PAK5: variants seen among roughly 807,000 people sequenced by gnomAD.
PAK5 encodes the protein serine/threonine-protein kinase PAK 5.
In PAK5, 16 loss-of-function variants were observed where a neutral mutation model predicts 65.9. That is an observed-to-expected ratio of 0.24 (90% CI 0.16 to 0.37). The LOEUF (loss-of-function observed/expected upper bound fraction) is 0.37, where lower values mean the gene tolerates loss of function less well. PAK5 is among the 10% of genes least tolerant of loss of function. The pLI is 1.00. For missense variants in PAK5, 785 were observed against 903.9 expected (o/e 0.87, Z 1.69); for synonymous variants, 371 against 354.9 (o/e 1.05, Z -0.51).
intron 7 of PAK5, among the ~76,000 whole-genome samples, chr20:9,550,731 G>GGT (rs111410496): frequency 0.11 from 15,646 of 148,466 alleles, 1,227 homozygotes; most frequent in African/African-American, 0.22. Flanking sequence ...CCATAATTGT[G>GGT]GTGTGTGTGT....
At chr20:9,578,569 C>A (rs2045925995) in intron 4 of PAK5, among the ~76,000 whole-genome samples, 1 of 152,150 alleles carries the variant, frequency 6.6e-6, no homozygotes, top group African/African-American at 2.4e-5. Context: ...AAGCCACACG[C>A]ACACAAAATC....
chr20:9,786,975 AG>A, intron 1 of PAK5, among the ~76,000 whole-genome samples: 1 of 152,188 alleles, frequency 6.6e-6, no homozygotes, highest in East Asian at 1.9e-4. Context: ...GGTACTTGCA[AG>A]GGATAAATTT....
intron 2 of PAK5, among the ~76,000 whole-genome samples, chr20:9,682,389 G>A (rs992971538): frequency 1.5e-4 from 22 of 144,830 alleles, no homozygotes; most frequent in Middle Eastern, 3.4e-3. Context: ...AAACCTACTA[G>A]GGCAGCCAGA....
At chr20:9,548,703 C>G (rs1230245925) in intron 7 of PAK5, among the ~76,000 whole-genome samples, 6 of 152,130 alleles carry the variant, frequency 3.9e-5, no homozygotes, top group African/African-American at 1.2e-4. Flanking sequence ...AATAGTATAC[C>G]AGGTGACAGA....
chr20:9,748,257 C>A lies in PAK5; in HGVS notation c.-161-36822G>T, dbSNP rs6141025. ...AATCAATATCATGAAAATGGCCATA[C>A]TGCCCAAGGTAATTTATAGATTCAA... On this transcript the variant is annotated intron_variant, in intron 1 of 9. Transcript: ENST00000353224. Among the ~76,000 whole-genome samples the A allele has an allele frequency of 7.0e-4, 106 of 151,780 alleles. 4 individuals are homozygous for A. The East Asian group carries it at 0.019, about 27-fold the overall frequency.
rs143150249 is a variant in PAK5, at chr20:9,677,292, C to T, written c.-11-32953G>A. 6.1e-3 allele frequency among the ~76,000 whole-genome samples: 935 copies of T among 152,260 alleles called. 5 individuals carry two copies. Among genetic ancestry groups the T allele is most frequent in the African/African-American group, 0.02 (846 of 41,544 alleles). On this transcript the variant is annotated intron_variant, in intron 2 of 9. Transcript: ENST00000353224. ...AATAGGATGCATCACATTCAGACCC[C>T]GGCTTCTGCACTCCAGCCTCGGCAT...
intron 3 of PAK5, among the ~76,000 whole-genome samples, chr20:9,583,575 T>C (rs992228259): frequency 6.6e-6 from 1 of 152,240 alleles, no homozygotes; most frequent in Non-Finnish European, 1.5e-5. Context: ...GATTCTTTGG[T>C]CACATTCTGC....
intron 1 of PAK5, among the ~76,000 whole-genome samples, chr20:9,767,644 T>C (rs2048784004): frequency 6.6e-6 from 1 of 152,066 alleles, no homozygotes; most frequent in Admixed American, 6.6e-5. Flanking sequence ...TTCTGTAGAG[T>C]ACCTCTTGGA....
chr20:9,656,889 C>T (rs2047275663), intron 2 of PAK5, among the ~76,000 whole-genome samples: 1 of 152,176 alleles, frequency 6.6e-6, no homozygotes, highest in South Asian at 2.1e-4. Flanking sequence ...TCACAACTTT[C>T]TGTGAATTTG....
chr20:9,711,125 T>G (rs1289166908), intron 2 of PAK5, among the ~76,000 whole-genome samples, 161 bp downstream of exon 2: 1 of 152,224 alleles, frequency 6.6e-6, no homozygotes, highest in Non-Finnish European at 1.5e-5. Context: ...GGCCATAAGC[T>G]TGCCCTTTTA....
chr20:9,694,214 A>C (rs2047836870), intron 2 of PAK5, among the ~76,000 whole-genome samples: 2 of 152,072 alleles, frequency 1.3e-5, no homozygotes, highest in African/African-American at 4.8e-5. Flanking sequence ...TCTGAAGGTC[A>C]ATTGCAAACT....
intron 7 of PAK5, among the ~76,000 whole-genome samples, chr20:9,553,570 G>A (rs1404334906): frequency 2.0e-5 from 3 of 151,980 alleles, no homozygotes; most frequent in Non-Finnish European, 4.4e-5. Flanking sequence ...GTGTGTGTGT[G>A]TGTATATATA....
intron 1 of PAK5, among the ~76,000 whole-genome samples, chr20:9,813,724 A>C (rs971718735): frequency 6.6e-6 from 1 of 152,168 alleles, no homozygotes; most frequent in African/African-American, 2.4e-5. Flanking sequence ...TGAATGAAAG[A>C]AGCCAGGCAC....
intron 2 of PAK5, among the ~76,000 whole-genome samples, chr20:9,670,106 C>A (rs903692968): frequency 1.3e-5 from 2 of 152,060 alleles, no homozygotes; most frequent in Non-Finnish European, 2.9e-5. Context: ...TGAACTCATC[C>A]TTTTTTATGG....
intron 1 of PAK5, among the ~76,000 whole-genome samples, chr20:9,824,938 G>A (rs996750162): frequency 3.3e-5 from 5 of 152,156 alleles, no homozygotes; most frequent in Non-Finnish European, 7.3e-5. Flanking sequence ...AGGTGCAGCT[G>A]CTGAATGGGT....
intron 1 of PAK5, among the ~76,000 whole-genome samples, chr20:9,756,727 T>C (rs2048638357): frequency 6.6e-6 from 1 of 152,172 alleles, no homozygotes; most frequent in African/African-American, 2.4e-5. Flanking sequence ...ATTAAAACAA[T>C]GTATATAGCT....
intron 3 of PAK5, among the ~76,000 whole-genome samples, chr20:9,642,398 T>G (rs1365964014): frequency 6.6e-6 from 1 of 152,218 alleles, no homozygotes; most frequent in Non-Finnish European, 1.5e-5. Context: ...TCTAGAATGT[T>G]TCTTATCCAA....
At chr20:9,638,937 A>G (rs542964130) in intron 3 of PAK5, among the ~76,000 whole-genome samples, 27 of 152,276 alleles carry the variant, frequency 1.8e-4, no homozygotes, top group Middle Eastern at 3.4e-3. Flanking sequence ...TTTTTATGTC[A>G]TGATCTCTTT....
chr20:9,666,421 A>G (rs965184978), intron 2 of PAK5, among the ~76,000 whole-genome samples: 2 of 137,772 alleles, frequency 1.5e-5, no homozygotes, highest in African/African-American at 2.9e-5. Context: ...AAGCACAACA[A>G]CAGCAAAAGG....
Sources: allele counts gnomAD v4.1 joint callset (sites outside exome capture counted in the v4.1 genomes callset), GRCh38; gene constraint gnomAD v4.1.1; transcripts MANE v1.5; gene names NCBI Gene and HGNC (gene_info 2026-07-23, HGNC 2026-07-21).